The following PPP2R3A variants were observed in gnomAD, a reference collection of about 807,000 sequenced individuals.
The protein encoded by PPP2R3A is serine/threonine-protein phosphatase 2A regulatory subunit B'' subunit alpha.
PPP2R3A carries 80 observed loss-of-function variants against 106.9 expected under a neutral mutation model. That is an observed-to-expected ratio of 0.75 (90% CI 0.62 to 0.90). The LOEUF (loss-of-function observed/expected upper bound fraction) is 0.90, where lower values mean the gene tolerates loss of function less well. PPP2R3A is among the 40% of genes least tolerant of loss of function. The pLI is 0.00. For missense variants in PPP2R3A, 1,386 were observed against 1,350.4 expected (o/e 1.03, Z -0.41); for synonymous variants, 483 against 468.3 (o/e 1.03, Z -0.41).
intron 5 of PPP2R3A, among the ~76,000 whole-genome samples, chr3:136,061,926 C>CAAAAAA (rs369373163): frequency 1.2e-5 from 1 of 84,144 alleles, no homozygotes; most frequent in African/African-American, 4.0e-5. Context: ...GACTCTATCT[C>CAAAAAA]AAAAAAAAAA....
chr3:136,037,413 C>T (rs927407019), intron 3 of PPP2R3A, among the ~76,000 whole-genome samples: 2 of 152,184 alleles, frequency 1.3e-5, no homozygotes, highest in Non-Finnish European at 2.9e-5. Flanking sequence ...GTAAGAAATG[C>T]ATTTTTCAGA....
At chr3:136,125,397 G>A (rs549885085) in intron 13 of PPP2R3A, among the ~76,000 whole-genome samples, 117 of 152,196 alleles carry the variant, frequency 7.7e-4, no homozygotes, top group African/African-American at 2.7e-3. Context: ...ATATTTAAGG[G>A]AAAAAAATAC....
At chr3:135,999,023 A>G (rs554065562) in intron 1 of PPP2R3A, among the ~76,000 whole-genome samples, 3 of 152,328 alleles carry the variant, frequency 2.0e-5, no homozygotes, top group African/African-American at 7.2e-5. Flanking sequence ...CCTCACTCCC[A>G]ATAGCTGCTG....
At chr3:136,012,723 A>G (rs1934126278) in intron 2 of PPP2R3A, among the ~76,000 whole-genome samples, 1 of 152,212 alleles carries the variant, frequency 6.6e-6, no homozygotes, top group Non-Finnish European at 1.5e-5. Flanking sequence ...GTTGGCTCTC[A>G]TAAGGCCTAT....
chr3:136,053,307 G>T (rs1187165857), intron 5 of PPP2R3A, among the ~76,000 whole-genome samples: 2 of 151,982 alleles, frequency 1.3e-5, no homozygotes, highest in Non-Finnish European at 2.9e-5. Flanking sequence ...AAAAGATTCT[G>T]TGATCTTAAA....
intron 13 of PPP2R3A, among the ~76,000 whole-genome samples, chr3:136,142,297 G>A (rs1287101348): frequency 6.6e-6 from 1 of 152,108 alleles, no homozygotes; most frequent in Non-Finnish European, 1.5e-5. Context: ...CCCACTAGAT[G>A]CCAGTAGGAC....
Position 136,001,165 on chromosome 3 carries a change from GA to G in PPP2R3A, c.-333del. 4.9e-6 allele frequency: 2 copies of G among 410,622 alleles called. No homozygotes were observed. The highest frequency in any genetic ancestry group is 8.6e-6 in the Non-Finnish European group (2 of 233,856). 25.4% of individuals were successfully genotyped at this position (410,622 alleles called of 1,614,324 possible). ...AAGATTTATGATAGTAAATTTATGA[GA>G]GCAAATTTCCATGTTATAGAACTGT... On this transcript the variant is annotated 5_prime_UTR_variant, in exon 2 of 14. The change creates a premature stop within an existing upstream ORF in the 5' untranslated region. Transcript: ENST00000264977.
intron 10 of PPP2R3A, among the ~76,000 whole-genome samples, chr3:136,097,971 A>G (rs897296035): frequency 1.3e-5 from 2 of 152,254 alleles, no homozygotes; most frequent in Non-Finnish European, 2.9e-5. Context: ...CTGAGAGTAG[A>G]TATGATATGA....
chr3:136,127,769 T>G (rs555002160), intron 13 of PPP2R3A, among the ~76,000 whole-genome samples: 3 of 152,236 alleles, frequency 2.0e-5, no homozygotes, highest in Admixed American at 1.3e-4. Flanking sequence ...GAGAGAAAGG[T>G]CGGGTTACCC....
chr3:136,072,642 A>G (rs1294656237), intron 6 of PPP2R3A, among the ~76,000 whole-genome samples: 1 of 152,218 alleles, frequency 6.6e-6, no homozygotes, highest in Admixed American at 6.5e-5. Flanking sequence ...AAAGAGAATT[A>G]TTGGGTTCTG....
intron 2 of PPP2R3A, among the ~76,000 whole-genome samples, chr3:136,026,233 G>A (rs552081233): frequency 5.9e-5 from 9 of 152,052 alleles, no homozygotes; most frequent in Admixed American, 3.9e-4. Flanking sequence ...AAATGGCGTG[G>A]CCCTAGTGGC....
At chr3:136,125,824 T>C (rs760264222) in intron 13 of PPP2R3A, among the ~76,000 whole-genome samples, 1 of 152,174 alleles carries the variant, frequency 6.6e-6, no homozygotes, top group Non-Finnish European at 1.5e-5. Context: ...AAATGAAAGG[T>C]TGGCTTATTC....
chr3:136,054,644 G>GGT (rs1935800696), intron 5 of PPP2R3A, among the ~76,000 whole-genome samples: 1 of 152,162 alleles, frequency 6.6e-6, no homozygotes, highest in Admixed American at 6.5e-5. Context: ...TTTAGTATAT[G>GGT]TGAAAATAAA....
chr3:136,027,132 C>T (rs1443092566), intron 3 of PPP2R3A, 34 bp downstream of exon 3: 7 of 1,566,800 alleles, frequency 4.5e-6, no homozygotes, highest in Non-Finnish European at 6.1e-6. Context: ...ACAATCTCCC[C>T]TTCTTTAGAA....
At chr3:135,968,705 T>C (rs951417388) in intron 1 of PPP2R3A, among the ~76,000 whole-genome samples, 1 of 152,136 alleles carries the variant, frequency 6.6e-6, no homozygotes, top group East Asian at 1.9e-4. Flanking sequence ...GCTACCATTT[T>C]CCCTGTCTTC....
intron 4 of PPP2R3A, among the ~76,000 whole-genome samples, chr3:136,041,801 G>C (rs955483192): frequency 2.0e-5 from 3 of 152,142 alleles, no homozygotes; most frequent in African/African-American, 7.2e-5. Context: ...GCTTTTCCTG[G>C]ATTCTAACAT....
At chr3:136,093,401 C>T (rs1937140362) in intron 10 of PPP2R3A, among the ~76,000 whole-genome samples, 1 of 151,776 alleles carries the variant, frequency 6.6e-6, no homozygotes, top group Non-Finnish European at 1.5e-5. Flanking sequence ...AGAGTAAGAC[C>T]TCATCTCAAA....
At chr3:136,111,884 A>G (rs1286418910) in intron 13 of PPP2R3A, among the ~76,000 whole-genome samples, 1 of 152,224 alleles carries the variant, frequency 6.6e-6, no homozygotes, top group Admixed American at 6.5e-5. Flanking sequence ...CATACACACA[A>G]AAACCCACAA....
intron 13 of PPP2R3A, among the ~76,000 whole-genome samples, chr3:136,136,675 G>A (rs758010675): frequency 1.4e-4 from 21 of 152,140 alleles, no homozygotes; most frequent in Non-Finnish European, 2.8e-4. Flanking sequence ...TTTACTGAAA[G>A]GCACAGACCA....
Sources: allele counts gnomAD v4.1 joint callset (sites outside exome capture counted in the v4.1 genomes callset), GRCh38; gene constraint gnomAD v4.1.1; transcripts MANE v1.5; gene names NCBI Gene and HGNC (gene_info 2026-07-23, HGNC 2026-07-21).